Variants in PCDH11Y observed in about 807,000 individuals in gnomAD.
PCDH11Y encodes the protein protocadherin-11 Y-linked.
For synonymous variants in PCDH11Y, 9 were observed against 83.6 expected, an observed-to-expected ratio of 0.11 and a Z score of 4.87; for missense variants, 12 against 224.8, an observed-to-expected ratio of 0.05 and a Z score of 6.05.
intron 2 of PCDH11Y, among the ~76,000 whole-genome samples, chrY:5,359,319 G>T: frequency 6.1e-5 from 2 of 32,606 alleles, no homozygotes; most frequent in Admixed American, 5.8e-4. Context: ...GAGCATATAG[G>T]GTCACTTCCT....
intron 1 of PCDH11Y, among the ~76,000 whole-genome samples, chrY:5,029,308 C>A: frequency 3.4e-5 from 1 of 29,727 alleles, no homozygotes. Context: ...TCTGTTAGCT[C>A]TGTCGATCCA....
At chrY:5,502,912 A>C in intron 3 of PCDH11Y, among the ~76,000 whole-genome samples, 1 of 33,317 alleles carries the variant, frequency 3.0e-5, no homozygotes, top group Non-Finnish European at 7.5e-5. Context: ...TCACCCTGAA[A>C]TAAAATTCCA....
At chrY:5,123,918 C>T in intron 2 of PCDH11Y, among the ~76,000 whole-genome samples, 1 of 33,083 alleles carries the variant, frequency 3.0e-5, no homozygotes, top group Non-Finnish European at 7.4e-5. Flanking sequence ...GCTCGCCAGG[C>T]ATACATTCAT....
chrY:5,044,479 T>C, intron 3 of PCDH11Y, among the ~76,000 whole-genome samples: 1 of 33,279 alleles, frequency 3.0e-5, no homozygotes, highest in Non-Finnish European at 7.4e-5. Context: ...TCAGAGATAG[T>C]TTGTTATAAT....
intron 4 of PCDH11Y, among the ~76,000 whole-genome samples, chrY:5,617,690 T>A: frequency 6.1e-5 from 2 of 32,748 alleles, no homozygotes; most frequent in Admixed American, 2.9e-4. Context: ...TACATTTTTA[T>A]AATAGGGGCT....
chrY:5,525,587 A>G (rs2053386828), intron 3 of PCDH11Y, among the ~76,000 whole-genome samples: 1 of 31,472 alleles, frequency 3.2e-5, no homozygotes, highest in East Asian at 8.6e-4. Flanking sequence ...TAGTTGCCCA[A>G]TTGTACGTCT....
chrY:5,381,807 A>G (rs2053205462), intron 2 of PCDH11Y, among the ~76,000 whole-genome samples: 1 of 33,390 alleles, frequency 3.0e-5, no homozygotes. Context: ...ATCACTTCAC[A>G]CGTGTGAAGT....
intron 4 of PCDH11Y, among the ~76,000 whole-genome samples, chrY:5,723,230 TA>T (rs2053596381): frequency 3.1e-5 from 1 of 31,876 alleles, no homozygotes; most frequent in African/African-American, 1.2e-4. Context: ...ATAGGAAGGT[TA>T]AAAAAATATA....
chrY:5,073,652 G>A (rs2124631069), intron 1 of PCDH11Y, among the ~76,000 whole-genome samples: 1 of 30,826 alleles, frequency 3.2e-5, no homozygotes, highest in African/African-American at 1.3e-4. Context: ...TGGCCAGGCT[G>A]GTCTAGAACT....
intron 2 of PCDH11Y, among the ~76,000 whole-genome samples, chrY:5,245,741 A>T: frequency 6.0e-5 from 2 of 33,286 alleles, no homozygotes. Context: ...TGGTTGGAGG[A>T]TGAGATGGAC....
intron 2 of PCDH11Y, among the ~76,000 whole-genome samples, chrY:5,373,745 TACACACACACACACACAC>T (rs369088178): frequency 8.4e-5 from 2 of 23,713 alleles, no homozygotes; most frequent in South Asian, 9.7e-4. Context: ...TGTGTATATA[TACACACACACACACACAC>T]ACACACACAC....
chrY:5,012,949 A>G, intron 1 of PCDH11Y, among the ~76,000 whole-genome samples: 2 of 27,668 alleles, frequency 7.2e-5, no homozygotes, highest in African/African-American at 1.4e-4. Context: ...TCCCGGGTTC[A>G]CGCCATTCTC....
At chrY:5,194,790 C>G in intron 2 of PCDH11Y, among the ~76,000 whole-genome samples, 1 of 32,401 alleles carries the variant, frequency 3.1e-5, no homozygotes, top group Non-Finnish European at 7.5e-5. Context: ...GGAAGGGGAC[C>G]CCAGCGGGTT....
chrY:5,088,926 G>A, intron 1 of PCDH11Y, among the ~76,000 whole-genome samples: 10 of 31,408 alleles, frequency 3.2e-4, no homozygotes, highest in Non-Finnish European at 6.1e-4. Flanking sequence ...GAAACTATTA[G>A]GACAAATGGC....
intron 2 of PCDH11Y, among the ~76,000 whole-genome samples, chrY:5,464,826 C>T (rs374049300): frequency 6.4e-4 from 21 of 32,813 alleles, no homozygotes; most frequent in African/African-American, 2.0e-3. Context: ...AGTCTCCACA[C>T]GCTGCTCTGT....
chrY:5,110,183 C>G (rs1602869296), downstream of PCDH11Y, among the ~76,000 whole-genome samples: 1 of 33,863 alleles, frequency 3.0e-5, no homozygotes, highest in East Asian at 7.8e-4. Context: ...CCTGTAATCC[C>G]AGCACTTTGG....
intron 2 of PCDH11Y, among the ~76,000 whole-genome samples, chrY:5,322,699 T>C (rs2124665966): frequency 3.1e-5 from 1 of 32,559 alleles, no homozygotes; most frequent in East Asian, 8.1e-4. Context: ...AGACGATATC[T>C]TATTGATCCT....
chrY:5,441,450 A>G, intron 2 of PCDH11Y, among the ~76,000 whole-genome samples: 1 of 32,859 alleles, frequency 3.0e-5, no homozygotes, highest in Non-Finnish European at 7.6e-5. Flanking sequence ...TTTGAAATAA[A>G]TGATGCTTTA....
intron 2 of PCDH11Y, among the ~76,000 whole-genome samples, chrY:5,201,947 A>G: frequency 3.0e-5 from 1 of 33,634 alleles, no homozygotes. Flanking sequence ...ATTATTTTCA[A>G]TATGTTAAAG....
Sources: gnomAD v4.1 joint callset for allele counts (sites outside exome capture counted in the v4.1 genomes callset) on GRCh38, gnomAD v4.1.1 for gene constraint, MANE v1.5 for transcripts, NCBI Gene and HGNC (gene_info 2026-07-23, HGNC 2026-07-21) for gene names.